VSIR: variants seen among roughly 807,000 people sequenced by gnomAD.
VSIR encodes the protein V-type immunoglobulin domain-containing suppressor of T-cell activation.
In VSIR, 10 loss-of-function variants were observed where a neutral mutation model predicts 31.0. The ratio of observed to expected loss-of-function variants is 0.32; its 90% CI spans 0.20 to 0.55. The LOEUF (loss-of-function observed/expected upper bound fraction) is 0.55, where lower values mean the gene tolerates loss of function less well. Among genes scored for constraint, VSIR ranks in the 20% least tolerant of loss-of-function variants. The pLI, the probability that VSIR is intolerant of heterozygous loss-of-function variation, is 0.93. For synonymous variants in VSIR, 179 were observed against 180.1 expected (o/e 0.99, Z 0.05); for missense variants, 356 against 416.2 (o/e 0.86, Z 1.26).
In VSIR at chr10:71,759,914, C is replaced by CATATACACACACACAT. The variant is rs1564779319; in HGVS notation, c.568+953_568+954insATGTGTGTGTGTATAT. ...ACACACACACATATATACACACACA[C>CATATACACACACACAT]ATATATACACACACACATATATACA... is the stretch of plus-strand genomic sequence containing the variant. On this transcript the variant is annotated intron_variant, in intron 3 of 6. Coordinates refer to ENST00000394957, the MANE Select transcript of VSIR (RefSeq NM_022153.2). Among the ~76,000 whole-genome samples the CATATACACACACACAT allele has an allele frequency of 4.9e-3, 278 of 56,830 alleles. 26 individuals are homozygous for CATATACACACACACAT. The highest frequency in any genetic ancestry group is 7.4e-3 in the Non-Finnish European group (164 of 22,030). 37.3% of individuals were successfully genotyped at this position (56,830 alleles called of 152,430 possible). A position where few individuals can be genotyped will look rare whatever the true frequency, so the allele number is the denominator to read the frequency against.
At chr10:71,755,210 G>A (rs886183979) in intron 4 of VSIR, 149 bp downstream of exon 4, 4 of 802,888 alleles carry the variant, frequency 5.0e-6, no homozygotes, top group Non-Finnish European at 6.1e-6. Flanking sequence ...ATTTCGCCCA[G>A]CTCCTGGCGG....
chr10:71,752,073 G>A (rs927959856), intron 5 of VSIR: 3 of 700,948 alleles, frequency 4.3e-6, no homozygotes, highest in Non-Finnish European at 7.7e-6. Context: ...AGGGCATCAG[G>A]GCCCACCAGA....
chr10:71,753,945 T>C, intron 4 of VSIR: 1 of 449,814 alleles, frequency 2.2e-6, no homozygotes, highest in South Asian at 1.6e-5. Context: ...GGGGTGAGGG[T>C]TGTTGGTCCC....
chr10:71,755,569 C>A (rs1840120074), intron 3 of VSIR, 103 bp from the exon 4 acceptor site: 1 of 1,091,168 alleles, frequency 9.2e-7, no homozygotes. Flanking sequence ...AGGAGACCCG[C>A]CTTTCCCCAG....
intron 1 of VSIR, among the ~76,000 whole-genome samples, chr10:71,767,481 C>T (rs1212751853): frequency 6.6e-6 from 1 of 152,214 alleles, no homozygotes; most frequent in Non-Finnish European, 1.5e-5. Flanking sequence ...AAGGTCCCGT[C>T]CTTGGTCTCA....
chr10:71,761,840 C>A lies in VSIR; in HGVS notation c.269G>T (p.Arg90Leu), dbSNP rs374460058. ...GTGAAGGTCCTGGAACGTGAGGTTG[C>A]GGATGGGCCGGCGCTCTGAGCAGGT... is the stretch of plus-strand genomic sequence containing the variant. ...VQTCSERRPIRNLTFQDLHLH... is the reference protein window; with the variant it reads ...VQTCSERRPILNLTFQDLHLH... The change falls in exon 2 of 7, where the codon CGC (arginine) becomes CTC (leucine). Residue 90 changes from arginine to leucine, a missense_variant. Transcript: ENST00000394957. The A allele has an allele frequency of 3.1e-6, 5 of 1,613,992 alleles. No individual in the cohort carries two copies. Among genetic ancestry groups the A allele is most frequent in the Non-Finnish European group, 3.4e-6 (4 of 1,180,014 alleles).
chr10:71,768,498 G>A (rs1285222197), intron 1 of VSIR, among the ~76,000 whole-genome samples: 3 of 151,828 alleles, frequency 2.0e-5, no homozygotes, highest in Admixed American at 1.3e-4. Flanking sequence ...TAGTGAGCTA[G>A]GGTCTTGCTC....
chr10:71,755,157 G>A (rs1055019729), intron 4 of VSIR: 16 of 662,084 alleles, frequency 2.4e-5, no homozygotes, highest in Middle Eastern at 2.4e-4. Flanking sequence ...GGGGCTGGTG[G>A]GCACTTGGCC....
At chr10:71,756,113 C>G (rs1165737477) in intron 3 of VSIR, among the ~76,000 whole-genome samples, 1 of 152,234 alleles carries the variant, frequency 6.6e-6, no homozygotes, top group Admixed American at 6.5e-5. Context: ...AAACGTGAAT[C>G]CTTGTACAAT....
intron 4 of VSIR, chr10:71,753,800 A>C (rs1257364313): frequency 2.2e-6 from 1 of 456,328 alleles, no homozygotes; most frequent in East Asian, 6.9e-5. Flanking sequence ...CAACAACAGA[A>C]CAAACACAGG....
rs891526694 is a variant in VSIR at position 71,747,856 on chromosome 10, A to G, written c.*3397T>C. 1 of 152,244 alleles carries G rather than the reference A, an allele frequency of 6.6e-6. No individual in the cohort carries two copies. The highest frequency in any genetic ancestry group is 1.5e-5 in the Non-Finnish European group (1 of 68,056). The allele number at this position is 152,244 out of a possible 1,614,324, so 9.4% of individuals were successfully genotyped here. ...GATCATTCAGAATCCCTCTCAACACATTCCAGGATAGTTAGGGTGACATAG... is the reference window on the plus strand; with the variant it reads ...GATCATTCAGAATCCCTCTCAACACGTTCCAGGATAGTTAGGGTGACATAG... On this transcript the variant is annotated 3_prime_UTR_variant, in exon 7 of 7. Coordinates refer to ENST00000394957, the MANE Select transcript of VSIR (RefSeq NM_022153.2).
chr10:71,751,549 C>T lies in VSIR; in HGVS notation c.898+119G>A. On this transcript the variant is annotated intron_variant, in intron 6 of 6. Coordinates refer to ENST00000394957, the MANE Select transcript of VSIR (RefSeq NM_022153.2). This position sits in a 1 kb window ranked among gnomAD's most constrained non-coding sequence, Gnocchi z 4.9. ...GGGCCCCTCTGTCCCTCACCCTCAA[C>T]CCCACCCCGTGAGGCCGTGGAACTC... 1 of 1,082,646 alleles carries T rather than the reference C, an allele frequency of 9.2e-7. No homozygotes were observed. Among genetic ancestry groups the T allele is most frequent in the Non-Finnish European group, 1.3e-6 (1 of 775,530 alleles). The allele number at this position is 1,082,646 out of a possible 1,614,324, so 67.1% of individuals were successfully genotyped here. A position where few individuals can be genotyped will look rare whatever the true frequency, so the allele number is the denominator to read the frequency against.
At chr10:71,761,009 G>C (rs1840368468) in intron 2 of VSIR, 85 bp from the exon 3 acceptor site, 1 of 1,391,420 alleles carries the variant, frequency 7.2e-7, no homozygotes, top group Admixed American at 1.7e-5. Context: ...TCCCCCTCCT[G>C]CCCCAGGTTC....
intron 3 of VSIR, among the ~76,000 whole-genome samples, chr10:71,759,122 C>G (rs1840226486): frequency 6.6e-6 from 1 of 152,072 alleles, no homozygotes; most frequent in Non-Finnish European, 1.5e-5. Context: ...ACTGTAACCT[C>G]TGACTCCCGG....
rs560844208 is a variant in VSIR at position 71,748,939 on chromosome 10, G to A, written c.*2314C>T. The A allele has an allele frequency of 4.6e-5, 7 of 153,036 alleles. No homozygotes were observed. Among genetic ancestry groups the A allele is most frequent in the East Asian group, 1.9e-4 (1 of 5,194 alleles). 9.5% of individuals were successfully genotyped at this position (153,036 alleles called of 1,614,324 possible). ...AATTTCGCTGAAAACAGGAAACCAC[G>A]AAGCCCAGATGCGTTCAGTTGTAAA... is the stretch of plus-strand genomic sequence containing the variant. On this transcript the variant is annotated 3_prime_UTR_variant, in exon 7 of 7. Coordinates refer to ENST00000394957, the MANE Select transcript of VSIR (RefSeq NM_022153.2).
At chr10:71,768,996 T>C (rs1005482694) in intron 1 of VSIR, among the ~76,000 whole-genome samples, 32 of 152,204 alleles carry the variant, frequency 2.1e-4, no homozygotes, top group Admixed American at 1.3e-4. Context: ...CTCTAGAGAA[T>C]AGAGGTAGCT....
intron 3 of VSIR, among the ~76,000 whole-genome samples, chr10:71,759,838 C>T (rs1840256379): frequency 1.7e-5 from 1 of 57,186 alleles, no homozygotes; most frequent in East Asian, 4.5e-4. Flanking sequence ...CACACACACA[C>T]ACACACACAT....
intron 1 of VSIR, among the ~76,000 whole-genome samples, chr10:71,770,814 A>T (rs1840667816): frequency 6.6e-6 from 1 of 152,112 alleles, no homozygotes; most frequent in Admixed American, 6.5e-5. Context: ...CTTGGGTGGA[A>T]GCATGAACAA....
In VSIR at chr10:71,751,740, G is replaced by A. The variant is rs375739009; in HGVS notation, c.826C>T (p.Arg276Trp). 6.1e-5 allele frequency: 98 copies of A among 1,598,630 alleles called. No homozygotes were observed. The Middle Eastern group carries it at 7.8e-4, about 13-fold the overall frequency. The change falls in exon 6 of 7, where the codon CGG becomes TGG. Residue 276 changes from arginine to tryptophan, a missense_variant. Transcript: ENST00000394957. This position sits in a 1 kb window ranked among gnomAD's most constrained non-coding sequence, Gnocchi z 4.9. ...GTGCTGGGCTCCGAAAGCAGATGCC[G>A]CCCAGACTCAGAAGGCTGCCGCTGG... Reference protein sequence around the residue: ...VAQRQPSESGRHLLSEPSTPL... With the variant: ...VAQRQPSESGWHLLSEPSTPL...
Sources: allele counts gnomAD v4.1 joint callset (sites outside exome capture counted in the v4.1 genomes callset), GRCh38; gene constraint gnomAD v4.1.1; non-coding constraint Gnocchi (gnomAD v3.1); transcripts MANE v1.5; gene names NCBI Gene and HGNC (gene_info 2026-07-23, HGNC 2026-07-21).